Variants in ANTXR1 observed in about 807,000 individuals in gnomAD.
ANTXR1 encodes anthrax toxin receptor 1.
ANTXR1 carries 19 observed loss-of-function variants against 78.1 expected under a neutral mutation model. That is an observed-to-expected ratio of 0.24 (90% CI 0.17 to 0.36). The LOEUF is 0.36. Ranked by LOEUF, ANTXR1 falls within the 10% of genes least tolerant of loss-of-function variation. The pLI is 1.00. For missense variants in ANTXR1, 518 were observed against 718.6 expected (o/e 0.72, Z 3.19); for synonymous variants, 273 against 260.5 (o/e 1.05, Z -0.46).
At chr2:69,200,245 G>T (rs1674741833) in intron 17 of ANTXR1, among the ~76,000 whole-genome samples, 1 of 152,158 alleles carries the variant, frequency 6.6e-6, no homozygotes, top group Non-Finnish European at 1.5e-5. Context: ...TGCAAGCCTG[G>T]ATCTCCTTGC....
intron 1 of ANTXR1, among the ~76,000 whole-genome samples, chr2:69,023,552 T>C (rs1671259881): frequency 6.6e-6 from 1 of 152,006 alleles, no homozygotes; most frequent in South Asian, 2.1e-4. Context: ...GCAGTGGTCA[T>C]GGTGGTGGTG....
In ANTXR1 at chr2:69,013,335, G is replaced by A. The variant is rs373445057; in HGVS notation, c.-165G>A. ...CAGCATCGGAGCGGAAACCAGAGGGGAAACCTTGAACTCCTCCAGACAATT... is the reference window on the plus strand; with the variant it reads ...CAGCATCGGAGCGGAAACCAGAGGGAAAACCTTGAACTCCTCCAGACAATT... On this transcript the variant is annotated 5_prime_UTR_variant, in exon 1 of 18. Coordinates refer to ENST00000303714, the MANE Select transcript of ANTXR1 (RefSeq NM_032208.3). This position sits in a 1 kb window ranked among gnomAD's most constrained non-coding sequence, Gnocchi z 5.0. The A allele has an allele frequency of 1.1e-6, 1 of 926,394 alleles. No homozygotes were observed. Among genetic ancestry groups the A allele is most frequent in the South Asian group, 1.5e-5 (1 of 65,102 alleles). 57.4% of individuals were successfully genotyped at this position (926,394 alleles called of 1,614,324 possible). A position where few individuals can be genotyped will look rare whatever the true frequency, so the allele number is the denominator to read the frequency against.
At chr2:69,078,391 G>T (rs1670802836) in intron 8 of ANTXR1, among the ~76,000 whole-genome samples, 1 of 152,292 alleles carries the variant, frequency 6.6e-6, no homozygotes, top group Non-Finnish European at 1.5e-5. Context: ...TCAGAGCTCA[G>T]GGGATCACTT....
chr2:69,089,569 C>T (rs1286824024), intron 8 of ANTXR1, among the ~76,000 whole-genome samples: 1 of 152,112 alleles, frequency 6.6e-6, no homozygotes, highest in Non-Finnish European at 1.5e-5. Flanking sequence ...CTTTATTTTC[C>T]CTTTAGTCAG....
Position 69,096,313 on chromosome 2 carries a change from GGAGGA to G in ANTXR1, c.703+5395_703+5399del, listed in dbSNP as rs1671413011. Among the ~76,000 whole-genome samples the G allele has an allele frequency of 1.6e-3, 9 of 5,528 alleles. 4 individuals carry two copies. Among genetic ancestry groups the G allele is most frequent in the African/African-American group, 0.014 (7 of 484 alleles). The allele number at this position is 5,528 out of a possible 152,430, so 3.6% of individuals were successfully genotyped here. ...GGGAGGAAGGGAGGAAGGGAGGAAG[GGAGGA>G]AGGGAGGAAGGGAGGAAGGGAGGAA... On this transcript the variant is annotated intron_variant, in intron 9 of 17. Coordinates refer to ENST00000303714, the MANE Select transcript of ANTXR1 (RefSeq NM_032208.3).
chr2:69,125,463 C>G (rs1458564882), intron 12 of ANTXR1, among the ~76,000 whole-genome samples: 1 of 152,208 alleles, frequency 6.6e-6, no homozygotes, highest in African/African-American at 2.4e-5. Flanking sequence ...AACCCGTCAG[C>G]CTCTGGAGTT....
At chr2:69,061,077 C>G (rs1437285960) in intron 3 of ANTXR1, among the ~76,000 whole-genome samples, 2 of 152,114 alleles carry the variant, frequency 1.3e-5, no homozygotes. Flanking sequence ...GATGAACAAA[C>G]CATGTAGCCT....
chr2:69,091,059 C>T (rs999854452), intron 9 of ANTXR1, 140 bp downstream of exon 9: 33 of 781,866 alleles, frequency 4.2e-5, no homozygotes, highest in African/African-American at 1.4e-4. Flanking sequence ...AAATTGCTAA[C>T]CAAATTTGCT....
chr2:69,244,699 C>CT (rs1338555002), intron 17 of ANTXR1, among the ~76,000 whole-genome samples: 7 of 152,204 alleles, frequency 4.6e-5, no homozygotes, highest in Non-Finnish European at 8.8e-5. Context: ...AGGCATGTAA[C>CT]TGAACTAATC....
chr2:69,013,738 T>TG lies in ANTXR1; in HGVS notation c.152+91dup. 6.5e-7 allele frequency: 1 copy of TG among 1,546,948 alleles called. No homozygotes were observed. The highest frequency in any genetic ancestry group is 8.7e-7 in the Non-Finnish European group (1 of 1,143,690). ...GGCCGGGCTCGTTGGCAGGGTCGCC[T>TG]GGGGACAGGAGCGCATCTCCAGGGC... is the stretch of plus-strand genomic sequence containing the variant. On this transcript the variant is annotated intron_variant, in intron 1 of 17. Transcript: ENST00000303714. The surrounding 1 kb of genome is among the most constrained non-coding windows in gnomAD (Gnocchi z 5.0).
chr2:69,153,874 CTTGGGCAAGT>C (rs1673460960), intron 13 of ANTXR1, among the ~76,000 whole-genome samples: 1 of 152,124 alleles, frequency 6.6e-6, no homozygotes, highest in Non-Finnish European at 1.5e-5. Flanking sequence ...GCTGTGTGAC[CTTGGGCAAGT>C]TTCTTCACCT....
intron 8 of ANTXR1, among the ~76,000 whole-genome samples, chr2:69,079,460 G>A (rs192376987): frequency 2.6e-5 from 4 of 152,062 alleles, no homozygotes; most frequent in Non-Finnish European, 5.9e-5. Flanking sequence ...CCAAAGGAGA[G>A]ATATTATGAC....
Position 69,101,384 on chromosome 2 carries a change from C to T in ANTXR1, c.704-1458C>T, listed in dbSNP as rs188156019. Among the ~76,000 whole-genome samples the T allele has an allele frequency of 7.9e-4, 121 of 152,262 alleles. 1 individual carries two copies. The East Asian group carries it at 0.021, about 26-fold the overall frequency. On this transcript the variant is annotated intron_variant, in intron 9 of 17. Transcript: ENST00000303714. ...ATGGCATTTGGTGCCTAACAGACCT[C>T]GATTCCAGTTCTGATTCTGACAAGT...
chr2:69,036,944 T>A (rs1244197774), intron 1 of ANTXR1, among the ~76,000 whole-genome samples: 1 of 152,202 alleles, frequency 6.6e-6, no homozygotes, highest in Non-Finnish European at 1.5e-5. Context: ...TCCAGGAGGA[T>A]GGCCAGGTCT....
At chr2:69,058,453 A>G (rs1670132787) in intron 3 of ANTXR1, among the ~76,000 whole-genome samples, 1 of 152,172 alleles carries the variant, frequency 6.6e-6, no homozygotes, top group Admixed American at 6.5e-5. Context: ...TAAAGGAAAC[A>G]ACAAAGCCCA....
intron 17 of ANTXR1, among the ~76,000 whole-genome samples, chr2:69,199,062 C>T (rs73934796): frequency 0.046 from 7,051 of 152,228 alleles, 423 homozygotes; most frequent in African/African-American, 0.13. Flanking sequence ...GAGACTAATG[C>T]TCCAGGTAAC....
intron 13 of ANTXR1, among the ~76,000 whole-genome samples, chr2:69,153,646 C>G (rs1165521952): frequency 1.3e-5 from 2 of 152,194 alleles, no homozygotes; most frequent in Non-Finnish European, 2.9e-5. Context: ...CCTCATGAGT[C>G]AGCCCAAGTG....
intron 16 of ANTXR1, among the ~76,000 whole-genome samples, chr2:69,190,924 G>A (rs1011952447): frequency 6.6e-6 from 1 of 152,048 alleles, no homozygotes; most frequent in African/African-American, 2.4e-5. Context: ...CACAGAGTTG[G>A]GTGATTAGCA....
At chr2:69,243,460 G>A (rs1472676711) in intron 17 of ANTXR1, among the ~76,000 whole-genome samples, 2 of 152,172 alleles carry the variant, frequency 1.3e-5, no homozygotes, top group Non-Finnish European at 2.9e-5. Flanking sequence ...GTGGAGGCTG[G>A]AGTCACTGTG....
Sources: allele counts gnomAD v4.1 joint callset (sites outside exome capture counted in the v4.1 genomes callset), GRCh38; gene constraint gnomAD v4.1.1; non-coding constraint Gnocchi (gnomAD v3.1); transcripts MANE v1.5; gene names NCBI Gene and HGNC (gene_info 2026-07-23, HGNC 2026-07-21).